MYBPC2: variants seen among roughly 807,000 people sequenced by gnomAD.
MYBPC2 encodes myosin-binding protein C, fast-type.
A neutral mutation model predicts 137.0 loss-of-function variants in MYBPC2; 122 were observed. That is an observed-to-expected ratio of 0.89 (90% CI 0.77 to 1.03). The LOEUF is 1.03. Ranked by LOEUF, MYBPC2 falls within the 50% of genes least tolerant of loss-of-function variation. The probability of loss-of-function intolerance (pLI) is 0.00; values close to 1 mark genes in which losing one functional copy is unlikely to be tolerated. For synonymous variants in MYBPC2, 626 were observed against 612.3 expected, an observed-to-expected ratio of 1.02 and a Z score of -0.33; for missense variants, 1,500 against 1,534.4, an observed-to-expected ratio of 0.98 and a Z score of 0.37.
intron 8 of MYBPC2, 83 bp from the exon 9 acceptor site, chr19:50,442,098 G>T: frequency 6.7e-7 from 1 of 1,491,310 alleles, no homozygotes. Context: ...CAGGGCCTGG[G>T]GAGGGAGATG....
chr19:50,453,989 G>T, intron 16 of MYBPC2, 31 bp from the exon 17 acceptor site: 1 of 1,562,548 alleles, frequency 6.4e-7, no homozygotes, highest in Non-Finnish European at 8.7e-7. Context: ...GGACACGATG[G>T]GGTGCAAGGC....
rs2039856166 is a variant in MYBPC2, at chr19:50,451,375, G to A, written c.1609+66G>A. The A allele has an allele frequency of 4.6e-6, 7 of 1,516,886 alleles. No individual in the cohort carries two copies. In the African/African-American group the frequency reaches 8.4e-5, roughly 18 times the overall value. The allele number at this position is 1,516,886 out of a possible 1,614,324, so 94.0% of individuals were successfully genotyped here. A position where few individuals can be genotyped will look rare whatever the true frequency, so the allele number is the denominator to read the frequency against. ...GAGGGACCGGGCTGAGGGAGGAGGGGAATGGCCGAGGGAGGATAGGCAGGG... is the reference window on the plus strand; with the variant it reads ...GAGGGACCGGGCTGAGGGAGGAGGGAAATGGCCGAGGGAGGATAGGCAGGG... On this transcript the variant is annotated intron_variant, in intron 15 of 27. Coordinates refer to ENST00000357701, the MANE Select transcript of MYBPC2 (RefSeq NM_004533.4).
At chr19:50,433,758 G>A (rs1008795016) in intron 1 of MYBPC2, among the ~76,000 whole-genome samples, 2 of 152,126 alleles carry the variant, frequency 1.3e-5, no homozygotes, top group Admixed American at 6.6e-5. Context: ...CTCTGGGCAG[G>A]GTCTGGGCCA....
rs1173366664 is a variant in MYBPC2 at position 50,458,640 on chromosome 19, G to T, written c.2392G>T (p.Val798Phe). 1.2e-6 allele frequency: 2 copies of T among 1,612,848 alleles called. No individual in the cohort carries two copies. Among genetic ancestry groups the T allele is most frequent in the Admixed American group, 3.3e-5 (2 of 60,012 alleles). ...TEPVERCGFT[V>F]KNLPTGARIL... ...GCCCGTGGAGCGCTGTGGCTTCACC[G>T]TCAAGAATCTCCCGACCGGAGCCAG... Residue 798 changes from valine (V) to phenylalanine (F), a missense_variant, in exon 21 of 28, where the codon GTC becomes TTC. Physicochemically the swap from Val to Phe is conservative, Grantham distance 50. Coordinates refer to ENST00000357701, the MANE Select transcript of MYBPC2 (RefSeq NM_004533.4).
rs543369028 is a variant in MYBPC2, at chr19:50,444,736, C to T, written c.1133+920C>T. 4.6e-4 allele frequency among the ~76,000 whole-genome samples: 70 copies of T among 151,542 alleles called. 1 individual carries two copies. The highest frequency in any genetic ancestry group is 3.4e-3 in the Admixed American group (52 of 15,174). On this transcript the variant is annotated intron_variant, in intron 11 of 27. Coordinates refer to ENST00000357701, the MANE Select transcript of MYBPC2 (RefSeq NM_004533.4). The stretch of plus-strand genomic sequence containing the variant: ...TCTACTAAAAATACAAAAAATTAGC[C>T]GGGCGTGTTGGCGGGCGCCTGTAGT...
intron 26 of MYBPC2, 131 bp downstream of exon 26, chr19:50,462,167 A>C (rs2039978572): frequency 1.2e-5 from 16 of 1,337,164 alleles, no homozygotes; most frequent in African/African-American, 1.5e-5. Flanking sequence ...AGTCACTTAA[A>C]AAATTTTTTT....
At chr19:50,457,131 A>G (rs1230960470) in intron 20 of MYBPC2, among the ~76,000 whole-genome samples, 1 of 152,176 alleles carries the variant, frequency 6.6e-6, no homozygotes, top group Non-Finnish European at 1.5e-5. Context: ...CATGGCGAAG[A>G]CAGTTCTCAT....
At chr19:50,455,373 C>G (rs936857227) in intron 19 of MYBPC2, 77 bp downstream of exon 19, 1 of 1,562,190 alleles carries the variant, frequency 6.4e-7, no homozygotes, top group Non-Finnish European at 8.7e-7. Flanking sequence ...CACCTCTGGC[C>G]CATCTTTTGC....
rs1430286957 is a variant in MYBPC2, at chr19:50,461,964, A to G, written c.3156A>G (p.Thr1052=). 6.3e-7 allele frequency: 1 copy of G among 1,586,358 alleles called. No individual in the cohort carries two copies. The highest frequency in any genetic ancestry group is 1.8e-5 in the Admixed American group (1 of 56,220). Residue 1052 remains threonine (T), a synonymous_variant, in exon 26 of 28, where the codon ACA becomes ACG. Coordinates refer to ENST00000357701, the MANE Select transcript of MYBPC2 (RefSeq NM_004533.4). ...HDFRMAPKFL[T]PLIDRVVVAG... is the part of the protein sequence containing the mutation. ...TCCGGATGGCTCCCAAGTTCCTGAC[A>G]CCTCTCATAGACCGCGTGGTCGTGG...
intron 13 of MYBPC2, among the ~76,000 whole-genome samples, chr19:50,449,714 A>G (rs912966446): frequency 3.3e-5 from 5 of 152,198 alleles, no homozygotes; most frequent in African/African-American, 1.2e-4. Context: ...CACCTAAGAC[A>G]AACACCTGGT....
chr19:50,441,475 T>C (rs1318362133), intron 8 of MYBPC2, among the ~76,000 whole-genome samples: 2 of 152,222 alleles, frequency 1.3e-5, no homozygotes, highest in African/African-American at 2.4e-5. Context: ...CCCTGAGCCG[T>C]TGCTCTCTGT....
At position 50,437,726 on chromosome 19, in the gene MYBPC2, C is replaced by T. The variant is rs751693635; in HGVS notation, c.572+8C>T. On this transcript the variant is annotated splice_region_variant and intron_variant, in intron 7 of 27. Coordinates refer to ENST00000357701, the MANE Select transcript of MYBPC2 (RefSeq NM_004533.4). ...TGGCCTGTTGAAGAAGAGGTGAGCC[C>T]CGGACTTGGCACAGAGAGGGGAGAT... is the stretch of plus-strand genomic sequence containing the variant. 2 of 1,598,972 alleles carry T rather than the reference C, an allele frequency of 1.3e-6. No individual in the cohort carries two copies. The highest frequency in any genetic ancestry group is 3.5e-5 in the Admixed American group (2 of 57,670).
intron 4 of MYBPC2, 136 bp downstream of exon 4, chr19:50,436,296 G>C: frequency 1.3e-5 from 17 of 1,357,680 alleles, no homozygotes; most frequent in Non-Finnish European, 1.7e-5. Flanking sequence ...TGAGGATGGA[G>C]GTTGTGCGGG....
rs1302416033 is a variant in MYBPC2, at chr19:50,455,490, C to T, written c.2204-20C>T. ...TGACCCCTCATTCCCCCCATATCCTCTTTTTCTGGATGCTTGCAGCACCCA... is the reference window on the plus strand; with the variant it reads ...TGACCCCTCATTCCCCCCATATCCTTTTTTTCTGGATGCTTGCAGCACCCA... On this transcript the variant is annotated intron_variant, in intron 19 of 27. Coordinates refer to ENST00000357701, the MANE Select transcript of MYBPC2 (RefSeq NM_004533.4). 2 of 1,609,012 alleles carry T rather than the reference C, an allele frequency of 1.2e-6. No individual in the cohort carries two copies. The highest frequency in any genetic ancestry group is 1.7e-6 in the Non-Finnish European group (2 of 1,176,190).
At position 50,459,248 on chromosome 19, in the gene MYBPC2, GC is replaced by G; in HGVS notation, c.2734del (p.Leu912Ter). 1 of 1,611,414 alleles carries G rather than the reference GC, an allele frequency of 6.2e-7. No individual in the cohort carries two copies. The highest frequency in any genetic ancestry group is 8.5e-7 in the Non-Finnish European group (1 of 1,179,520). On this transcript the variant is annotated frameshift_variant, in exon 23 of 28. Coordinates refer to ENST00000357701, the MANE Select transcript of MYBPC2 (RefSeq NM_004533.4). LOFTEE classifies it high-confidence loss of function. ...AARSDSGEYE[L>X]SVQIENMKDT... ...CCCGCTCCGACTCCGGGGAGTACGA[GC>G]TGAGCGTGCAGATCGAGAACATGAA...
chr19:50,436,045 G>A lies in MYBPC2; in HGVS notation c.230G>A (p.Gly77Glu). ...KDAVVVAKVN[G>E]KELPDKPTIK... ...GCAGTGGTCGTGGCCAAGGTGAACG[G>A]GAAGGAGCTCCCAGACAAACCGACC... The change falls in exon 4 of 28, where the codon GGG (glycine) becomes GAG (glutamate). Residue 77 changes from glycine to glutamate, a missense_variant. Transcript: ENST00000357701. The A allele has an allele frequency of 3.8e-6, 6 of 1,584,660 alleles. No homozygotes were observed. Among genetic ancestry groups the A allele is most frequent in the Non-Finnish European group, 5.1e-6 (6 of 1,165,394 alleles).
chr19:50,452,438 ATCT>A (rs1568664532), intron 16 of MYBPC2, among the ~76,000 whole-genome samples: 16 of 143,540 alleles, frequency 1.1e-4, no homozygotes, highest in African/African-American at 4.1e-4. Flanking sequence ...TATCTAATCT[ATCT>A]ATCTGTCTAT....
At chr19:50,461,518 G>A (rs1166108400) in intron 24 of MYBPC2, 24 bp from the exon 25 acceptor site, 2 of 1,608,468 alleles carry the variant, frequency 1.2e-6, no homozygotes, top group Admixed American at 1.7e-5. Context: ...CGACCCGCCT[G>A]GTCCCTCCCT....
chr19:50,450,055 G>A (rs949130083), intron 13 of MYBPC2, among the ~76,000 whole-genome samples: 5 of 152,108 alleles, frequency 3.3e-5, no homozygotes, highest in African/African-American at 1.2e-4. Context: ...TACTCGGGAG[G>A]CTGGGGTGGG....
Sources: gnomAD v4.1 joint callset for allele counts (sites outside exome capture counted in the v4.1 genomes callset) on GRCh38, gnomAD v4.1.1 for gene constraint, MANE v1.5 for transcripts, NCBI Gene and HGNC (gene_info 2026-07-23, HGNC 2026-07-21) for gene names.